SHLD1: variants seen among roughly 807,000 people sequenced by gnomAD.
The protein encoded by SHLD1 is RINN1-REV7-interacting novel NHEJ regulator 3.
Under a neutral mutation model 5.5 loss-of-function variants are expected in SHLD1, and 3 were observed. That is an observed-to-expected ratio of 0.54 (90% CI 0.25 to 1.40). The LOEUF (loss-of-function observed/expected upper bound fraction) is 1.40, where lower values mean the gene tolerates loss of function less well. Ranked by LOEUF, SHLD1 falls within the 40% of genes most tolerant of loss-of-function variation. SHLD1 has a pLI of 0.15. For missense variants in SHLD1, 210 were observed against 244.4 expected (o/e 0.86, Z 0.94); for synonymous variants, 92 against 94.3 (o/e 0.98, Z 0.14).
intron 1 of SHLD1, among the ~76,000 whole-genome samples, chr20:5,757,967 A>C (rs1984217044): frequency 1.3e-5 from 2 of 152,162 alleles, no homozygotes; most frequent in African/African-American, 2.4e-5. Context: ...ATGTTAGAGT[A>C]TGATCCTCTT....
At chr20:5,774,281 C>G (rs1985328061) in intron 2 of SHLD1, among the ~76,000 whole-genome samples, 1 of 152,124 alleles carries the variant, frequency 6.6e-6, no homozygotes, top group Non-Finnish European at 1.5e-5. Flanking sequence ...ATTGTGGGTA[C>G]TAAGCAAATG....
intron 2 of SHLD1, among the ~76,000 whole-genome samples, chr20:5,854,658 A>G (rs745775246): frequency 4.6e-5 from 7 of 152,274 alleles, no homozygotes; most frequent in Admixed American, 4.6e-4. Flanking sequence ...TAATTTTTAA[A>G]AAATATGATA....
At chr20:5,776,572 G>A (rs1336992471) in intron 2 of SHLD1, among the ~76,000 whole-genome samples, 1 of 151,932 alleles carries the variant, frequency 6.6e-6, no homozygotes, top group African/African-American at 2.4e-5. Context: ...AGACCAGCCT[G>A]GCCAACATGG....
chr20:5,807,647 A>C (rs564913624), intron 2 of SHLD1, among the ~76,000 whole-genome samples: 9 of 152,192 alleles, frequency 5.9e-5, no homozygotes, highest in African/African-American at 2.2e-4. Flanking sequence ...ACTGGGACAT[A>C]TTTCTGTGGA....
chr20:5,863,245 G>A lies in SHLD1; in HGVS notation c.400G>A (p.Gly134Ser). 6.2e-7 allele frequency: 1 copy of A among 1,614,174 alleles called. No homozygotes were observed. The highest frequency in any genetic ancestry group is 8.5e-7 in the Non-Finnish European group (1 of 1,180,044). ...CLSQKITQLR[G>S]QESQKYALRS... ...GTCTCAGAAAATCACTCAACTAAGA[G>A]GCCAGGAGAGCCAAAAGTATGCCCT... The change falls in exon 3 of 3, where the codon GGC (glycine) becomes AGC (serine). Residue 134 changes from glycine to serine, a missense_variant. Transcript: ENST00000303142.
chr20:5,793,176 T>C (rs563349991), intron 2 of SHLD1, among the ~76,000 whole-genome samples: 35 of 152,350 alleles, frequency 2.3e-4, no homozygotes, highest in African/African-American at 7.9e-4. Flanking sequence ...TTTTGATTAC[T>C]GTAGCTATGT....
At chr20:5,783,824 CA>C (rs1289321187) in intron 2 of SHLD1, among the ~76,000 whole-genome samples, 1 of 151,734 alleles carries the variant, frequency 6.6e-6, no homozygotes, top group Non-Finnish European at 1.5e-5. Flanking sequence ...GGCATTCATC[CA>C]AAGAAAGGGT....
chr20:5,766,181 T>C (rs1183479981), intron 1 of SHLD1, among the ~76,000 whole-genome samples: 1 of 152,076 alleles, frequency 6.6e-6, no homozygotes, highest in Non-Finnish European at 1.5e-5. Context: ...TTAGGTAACA[T>C]GAAGGGAGAA....
chr20:5,813,199 G>A (rs1207494763), intron 2 of SHLD1, among the ~76,000 whole-genome samples: 1 of 151,594 alleles, frequency 6.6e-6, no homozygotes, highest in Non-Finnish European at 1.5e-5. Context: ...TTAAATTCTA[G>A]TTCTTTGGCT....
intron 2 of SHLD1, among the ~76,000 whole-genome samples, chr20:5,798,297 ACT>A (rs1230633573): frequency 8.0e-6 from 1 of 125,666 alleles, no homozygotes; most frequent in Non-Finnish European, 1.6e-5. Flanking sequence ...AAAAGTAGAA[ACT>A]CTCAGTTCTC....
chr20:5,793,773 G>C (rs149048325), intron 2 of SHLD1, among the ~76,000 whole-genome samples: 1 of 151,800 alleles, frequency 6.6e-6, no homozygotes, highest in Non-Finnish European at 1.5e-5. Context: ...GCAGTGACAC[G>C]ATCTCGGCTC....
intron 2 of SHLD1, among the ~76,000 whole-genome samples, chr20:5,777,788 C>G (rs965066093): frequency 1.3e-5 from 2 of 151,652 alleles, no homozygotes; most frequent in Admixed American, 1.3e-4. Context: ...GGGAAGTGAC[C>G]AAGAGGATGA....
At chr20:5,778,616 A>AAT (rs1168160369) in intron 2 of SHLD1, among the ~76,000 whole-genome samples, 4 of 151,816 alleles carry the variant, frequency 2.6e-5, no homozygotes, top group African/African-American at 9.7e-5. Flanking sequence ...AAAAAAAAAA[A>AAT]AAAAATAAGG....
chr20:5,761,859 C>T (rs979388627), intron 1 of SHLD1, among the ~76,000 whole-genome samples: 4 of 151,920 alleles, frequency 2.6e-5, no homozygotes, highest in African/African-American at 4.8e-5. Context: ...CCACCTGCCT[C>T]GGCCTACCAA....
chr20:5,806,421 A>C lies in SHLD1; in HGVS notation c.178+33378A>C, dbSNP rs567150385. ...TACCCCATCCTTTGTGATGGTTTTG[A>C]AGCACTGATCATTTTCCTGTATTAC... On this transcript the variant is annotated intron_variant, in intron 2 of 2. Coordinates refer to ENST00000303142, the MANE Select transcript of SHLD1 (RefSeq NM_152504.4). The surrounding 1 kb of genome is among the most constrained non-coding windows in gnomAD (Gnocchi z 7.6). Among the ~76,000 whole-genome samples, 4 of 152,324 alleles carry C rather than the reference A, an allele frequency of 2.6e-5. No homozygotes were observed. The highest frequency in any genetic ancestry group is 2.6e-4 in the Admixed American group (4 of 15,296).
chr20:5,773,180 T>C, intron 2 of SHLD1, 137 bp downstream of exon 2: 1 of 985,354 alleles, frequency 1.0e-6, no homozygotes, highest in South Asian at 1.3e-5. Flanking sequence ...ACATCTTACC[T>C]AAGCAAAGCT....
intron 1 of SHLD1, among the ~76,000 whole-genome samples, chr20:5,755,056 A>T (rs1600082951): frequency 1.8e-5 from 1 of 54,238 alleles, no homozygotes; most frequent in East Asian, 2.5e-4. Context: ...ACCCTGTCTC[A>T]AAAAAAAAAA....
chr20:5,855,767 T>C lies in SHLD1; in HGVS notation c.179-7257T>C, dbSNP rs541117557. On this transcript the variant is annotated intron_variant, in intron 2 of 2. Coordinates refer to ENST00000303142, the MANE Select transcript of SHLD1 (RefSeq NM_152504.4). The surrounding 1 kb of genome is among the most constrained non-coding windows in gnomAD (Gnocchi z 4.4). ...ATATGAGAAATGCAATTTGAAATAG[T>C]GTGCCCAGGAAATGTATGGTAAACT... 2.0e-5 allele frequency among the ~76,000 whole-genome samples: 3 copies of C among 152,340 alleles called. No homozygotes were observed. Among genetic ancestry groups the C allele is most frequent in the African/African-American group, 7.2e-5 (3 of 41,578 alleles).
chr20:5,779,756 A>G (rs1039309052), intron 2 of SHLD1, among the ~76,000 whole-genome samples: 10 of 152,132 alleles, frequency 6.6e-5, no homozygotes, highest in African/African-American at 2.2e-4. Flanking sequence ...GTATTTACTC[A>G]GTGAGGCACA....
Sources: gnomAD v4.1 joint callset for allele counts (sites outside exome capture counted in the v4.1 genomes callset) on GRCh38, gnomAD v4.1.1 for gene constraint, Gnocchi (gnomAD v3.1) non-coding constraint, MANE v1.5 for transcripts, NCBI Gene and HGNC (gene_info 2026-07-23, HGNC 2026-07-21) for gene names.